The following ACOXL variants were observed in gnomAD, a reference collection of about 807,000 sequenced individuals.
ACOXL encodes the protein acyl-CoA oxidase like.
A neutral mutation model predicts 71.9 loss-of-function variants in ACOXL; 70 were observed. The observed-to-expected ratio is 0.97, with a 90% CI of 0.80 to 1.19. The LOEUF is 1.19. ACOXL is among the 50% of genes most tolerant of loss of function. The pLI is 0.00. For missense variants in ACOXL, 703 were observed against 736.3 expected (o/e 0.95, Z 0.52); for synonymous variants, 253 against 281.6 (o/e 0.90, Z 1.02).
intron 12 of ACOXL, among the ~76,000 whole-genome samples, chr2:110,939,818 G>A (rs1357606272): frequency 1.3e-5 from 2 of 152,148 alleles, no homozygotes; most frequent in Non-Finnish European, 2.9e-5. Flanking sequence ...GCTATCATTA[G>A]TGTTTGCGTG....
intron 1 of ACOXL, among the ~76,000 whole-genome samples, chr2:110,760,366 G>A (rs1680239822): frequency 1.3e-5 from 2 of 151,888 alleles, no homozygotes; most frequent in Non-Finnish European, 1.5e-5. Flanking sequence ...GGATGGTCTC[G>A]ATCTCCTGAC....
chr2:110,798,007 C>A (rs1233994535), intron 5 of ACOXL, among the ~76,000 whole-genome samples: 1 of 152,098 alleles, frequency 6.6e-6, no homozygotes, highest in Non-Finnish European at 1.5e-5. Context: ...AGGGAGAGAA[C>A]AAACACCTTT....
chr2:111,105,957 T>G (rs2069517966), intron 17 of ACOXL, among the ~76,000 whole-genome samples: 1 of 152,206 alleles, frequency 6.6e-6, no homozygotes, highest in Non-Finnish European at 1.5e-5. Context: ...TAAAAACTAT[T>G]TATGATGCTA....
intron 12 of ACOXL, among the ~76,000 whole-genome samples, chr2:110,943,551 G>C (rs567607126): frequency 7.2e-5 from 11 of 152,258 alleles, no homozygotes; most frequent in Admixed American, 3.9e-4. Context: ...CAGCTTTGCA[G>C]TACAGAATGA....
At chr2:111,066,346 A>ATGGCTGC (rs888991286) in intron 16 of ACOXL, among the ~76,000 whole-genome samples, 4 of 152,208 alleles carry the variant, frequency 2.6e-5, no homozygotes, top group African/African-American at 9.6e-5. Flanking sequence ...TGGAGAGATA[A>ATGGCTGC]CAGATTAGTG....
chr2:110,983,243 T>C (rs2062792439), intron 12 of ACOXL, among the ~76,000 whole-genome samples: 1 of 152,254 alleles, frequency 6.6e-6, no homozygotes, highest in Non-Finnish European at 1.5e-5. Flanking sequence ...ATCAGTGAAA[T>C]ACTTAGTGTG....
At chr2:110,754,418 A>G (rs1679405073) in intron 1 of ACOXL, among the ~76,000 whole-genome samples, 1 of 152,052 alleles carries the variant, frequency 6.6e-6, no homozygotes, top group Non-Finnish European at 1.5e-5. Flanking sequence ...TGTGTTACCA[A>G]CACCATGATG....
intron 9 of ACOXL, among the ~76,000 whole-genome samples, chr2:110,839,310 A>G (rs1160642300): frequency 6.6e-6 from 1 of 152,252 alleles, no homozygotes; most frequent in Non-Finnish European, 1.5e-5. Flanking sequence ...TTTTAATCCC[A>G]GGAAATGTAA....
chr2:111,013,616 C>T (rs367750747), intron 14 of ACOXL, among the ~76,000 whole-genome samples: 3 of 143,486 alleles, frequency 2.1e-5, no homozygotes, highest in African/African-American at 7.6e-5. Context: ...CTTTTCTTTT[C>T]TTTCTTTTCT....
At position 111,044,994 on chromosome 2, in the gene ACOXL, A is replaced by G. The variant is rs541375631; in HGVS notation, c.1370-4224A>G. 3.3e-5 allele frequency among the ~76,000 whole-genome samples: 5 copies of G among 152,302 alleles called. No individual in the cohort carries two copies. In the East Asian group the frequency reaches 9.6e-4, roughly 29 times the overall value. ...TGGTTCTCCCTTCTTTTGTCACACA[A>G]AGGTGGAAAAGTCCAACCAAGGAGA... On this transcript the variant is annotated intron_variant, in intron 15 of 17. Coordinates refer to ENST00000439055, the MANE Select transcript of ACOXL (RefSeq NM_001142807.4).
intron 12 of ACOXL, among the ~76,000 whole-genome samples, chr2:110,942,733 A>T (rs2060911053): frequency 6.6e-6 from 1 of 151,590 alleles, no homozygotes. Context: ...TACTAAAAAA[A>T]AAAAAAAGTT....
intron 17 of ACOXL, among the ~76,000 whole-genome samples, chr2:111,103,769 T>C (rs969899300): frequency 1.3e-5 from 2 of 152,246 alleles, no homozygotes; most frequent in African/African-American, 4.8e-5. Context: ...CTGTGATTTT[T>C]TTTTTAATGA....
Position 111,068,281 on chromosome 2 carries a change from A to T in ACOXL, c.1440+18993A>T, listed in dbSNP as rs559740373. On this transcript the variant is annotated intron_variant, in intron 16 of 17. Transcript: ENST00000439055. ...CGGTGTGCGTGCTGGAGCTCCCCACATGGTTTTCTATGACTGGAGCACGGG... is the reference window on the plus strand; with the variant it reads ...CGGTGTGCGTGCTGGAGCTCCCCACTTGGTTTTCTATGACTGGAGCACGGG... Among the ~76,000 whole-genome samples the T allele has an allele frequency of 2.0e-5, 3 of 152,222 alleles. No individual in the cohort carries two copies. The South Asian group carries it at 6.2e-4, about 32-fold the overall frequency.
intron 9 of ACOXL, among the ~76,000 whole-genome samples, chr2:110,812,107 G>GTAAT: frequency 6.6e-6 from 1 of 152,324 alleles, no homozygotes; most frequent in East Asian, 1.9e-4. Context: ...CATGAGCTGA[G>GTAAT]TAATTGTTGG....
At chr2:110,960,697 G>T (rs2061670187) in intron 12 of ACOXL, among the ~76,000 whole-genome samples, 5 of 142,962 alleles carry the variant, frequency 3.5e-5, no homozygotes, top group Admixed American at 6.9e-5. Flanking sequence ...AATTTTCTGG[G>T]TTTTTTTTTT....
chr2:110,904,167 G>T (rs980817198), intron 10 of ACOXL, among the ~76,000 whole-genome samples: 1 of 133,546 alleles, frequency 7.5e-6, no homozygotes, highest in Non-Finnish European at 1.7e-5. Flanking sequence ...GTTGGGTGGT[G>T]CCTACTCTTC....
chr2:110,986,366 GACA>G (rs1440163311), intron 12 of ACOXL, among the ~76,000 whole-genome samples: 2 of 152,186 alleles, frequency 1.3e-5, no homozygotes, highest in Admixed American at 6.5e-5. Context: ...AGTGCTTTGA[GACA>G]ACAATTTGTT....
rs1365092724 is a variant in ACOXL, at chr2:111,049,301, A to G, written c.1440+13A>G. On this transcript the variant is annotated intron_variant, in intron 16 of 17. Transcript: ENST00000439055. ...TTTGTTAATGAAGGTAGGTTATCAG[A>G]TAAAGAACTTATTTCCTAAAGGCTC... 1 of 1,592,722 alleles carries G rather than the reference A, an allele frequency of 6.3e-7. No homozygotes were observed. Among genetic ancestry groups the G allele is most frequent in the South Asian group, 1.1e-5 (1 of 90,576 alleles).
intron 9 of ACOXL, among the ~76,000 whole-genome samples, chr2:110,806,429 A>T (rs1021998061): frequency 6.6e-6 from 1 of 152,218 alleles, no homozygotes; most frequent in Non-Finnish European, 1.5e-5. Context: ...CTGATATTGA[A>T]TGAGGCCCCA....
Sources: allele counts gnomAD v4.1 joint callset (sites outside exome capture counted in the v4.1 genomes callset), GRCh38; gene constraint gnomAD v4.1.1; transcripts MANE v1.5; gene names NCBI Gene and HGNC (gene_info 2026-07-23, HGNC 2026-07-21).